TRAK1: variants seen among roughly 807,000 people sequenced by gnomAD.
TRAK1 encodes trafficking kinesin-binding protein 1.
TRAK1 carries 33 observed loss-of-function variants against 92.1 expected under a neutral mutation model. That is an observed-to-expected ratio of 0.36 (90% confidence interval 0.27 to 0.48). TRAK1 has a LOEUF of 0.48. TRAK1 is among the 20% of genes least tolerant of loss of function. The probability of loss-of-function intolerance (pLI) is 0.99; values close to 1 mark genes in which losing one functional copy is unlikely to be tolerated. For missense variants in TRAK1, 1,123 were observed against 1,257.9 expected (o/e 0.89, Z 1.62); for synonymous variants, 521 against 517.3 (o/e 1.01, Z -0.10).
intron 1 of TRAK1, among the ~76,000 whole-genome samples, chr3:42,123,052 G>A (rs1235110142): frequency 6.6e-6 from 1 of 152,042 alleles, no homozygotes; most frequent in Non-Finnish European, 1.5e-5. Context: ...ATGCTCTATG[G>A]CAAAGCTTTG....
At chr3:42,089,683 C>CCCG (rs1001932641), upstream of TRAK1, among the ~76,000 whole-genome samples, 2 of 150,798 alleles carry the variant, frequency 1.3e-5, no homozygotes, top group Admixed American at 6.6e-5. Flanking sequence ...TGACCCCCCC[C>CCCG]CAATACAGAG....
At chr3:42,016,772 T>TA (rs927658976) in intron 1 of TRAK1, among the ~76,000 whole-genome samples, 12 of 152,338 alleles carry the variant, frequency 7.9e-5, no homozygotes, top group African/African-American at 2.9e-4. Context: ...GTTCTTTTTT[T>TA]ACCCTTTGGG....
upstream of TRAK1, among the ~76,000 whole-genome samples, chr3:42,090,158 C>T (rs1704931208): frequency 6.6e-6 from 1 of 152,018 alleles, no homozygotes; most frequent in Non-Finnish European, 1.5e-5. Context: ...CAGTAGGGCA[C>T]CAAGGAGGGT....
intron 2 of TRAK1, among the ~76,000 whole-genome samples, chr3:42,167,960 GT>G: frequency 6.6e-6 from 1 of 152,224 alleles, no homozygotes. Flanking sequence ...GGACTATTTG[GT>G]CAAGTCTAAA....
intron 2 of TRAK1, among the ~76,000 whole-genome samples, chr3:42,164,120 A>G (rs1438528278): frequency 6.6e-6 from 1 of 152,194 alleles, no homozygotes; most frequent in Non-Finnish European, 1.5e-5. Flanking sequence ...TTTCTCTGTC[A>G]TGATCACACC....
chr3:42,221,884 A>G (rs1372757792), intron 15 of TRAK1: 1 of 152,148 alleles, frequency 6.6e-6, no homozygotes, highest in African/African-American at 2.4e-5. Context: ...GTTTATTACT[A>G]GTTGAAAATT....
chr3:42,069,400 G>A (rs1703819533), intron 1 of TRAK1, among the ~76,000 whole-genome samples: 1 of 152,014 alleles, frequency 6.6e-6, no homozygotes, highest in African/African-American at 2.4e-5. Flanking sequence ...GTCAACAGGG[G>A]AGGGCTGGGT....
At chr3:42,193,788 TATCTTAGGAAGTG>T (rs146523477) in intron 8 of TRAK1, 23 bp from the exon 9 acceptor site, 196,575 of 1,608,200 alleles carry the variant, frequency 0.12, 13,024 homozygotes, top group Non-Finnish European at 0.13. Flanking sequence ...TTTTACCAAG[TATCTTAGGAAGTG>T]ATCTATCTTT....
At chr3:42,124,439 T>G (rs1710298873) in intron 1 of TRAK1, among the ~76,000 whole-genome samples, 1 of 152,248 alleles carries the variant, frequency 6.6e-6, no homozygotes, top group Admixed American at 6.5e-5. Context: ...TGTGTTCTGC[T>G]TTGATGAGTA....
At chr3:42,047,905 C>T (rs941926586) in intron 1 of TRAK1, among the ~76,000 whole-genome samples, 26 of 149,502 alleles carry the variant, frequency 1.7e-4, no homozygotes, top group African/African-American at 5.9e-4. Flanking sequence ...AAAACACTCC[C>T]CCCCATAGTT....
At chr3:42,137,015 A>G (rs1164738588) in intron 2 of TRAK1, among the ~76,000 whole-genome samples, 2 of 152,318 alleles carry the variant, frequency 1.3e-5, no homozygotes, top group African/African-American at 2.4e-5. Flanking sequence ...TGCTGATTTT[A>G]GGTGATTTGA....
upstream of TRAK1, among the ~76,000 whole-genome samples, chr3:42,084,569 TG>T (rs543584596): frequency 6.6e-6 from 1 of 152,206 alleles, no homozygotes; most frequent in Non-Finnish European, 1.5e-5. Flanking sequence ...TGGGCCCCAC[TG>T]GGGGTGGGTT....
At chr3:42,168,273 A>T (rs760576231) in intron 2 of TRAK1, among the ~76,000 whole-genome samples, 49 of 152,236 alleles carry the variant, frequency 3.2e-4, no homozygotes, top group Non-Finnish European at 6.9e-4. Flanking sequence ...ATGTGATAAC[A>T]TCATTGTGGA....
At chr3:42,050,503 C>A (rs974210647) in intron 1 of TRAK1, among the ~76,000 whole-genome samples, 1 of 152,154 alleles carries the variant, frequency 6.6e-6, no homozygotes, top group Non-Finnish European at 1.5e-5. Context: ...TAGAGTTCAT[C>A]GCTTTTCCTT....
chr3:42,142,337 A>G (rs1267237687), intron 2 of TRAK1, among the ~76,000 whole-genome samples: 1 of 152,204 alleles, frequency 6.6e-6, no homozygotes, highest in African/African-American at 2.4e-5. Context: ...CACCTGGAAC[A>G]TGTTTGAAAA....
intron 2 of TRAK1, among the ~76,000 whole-genome samples, chr3:42,158,787 CAAAAAAAAAAAA>C (rs149521969): frequency 1.4e-5 from 1 of 69,548 alleles, no homozygotes; most frequent in African/African-American, 4.6e-5. Context: ...ACAAAAAATA[CAAAAAAAAAAAA>C]AAAAAAAAAA....
chr3:42,188,249 G>T lies in TRAK1; in HGVS notation c.581+104G>T, dbSNP rs74937074. On this transcript the variant is annotated intron_variant, in intron 5 of 15. Transcript: ENST00000327628. ...AGGGTCACCTTCAGCAGCAATGGAG[G>T]TCAGCTGCTCTCAGCCTTCTCTGGA... The T allele has an allele frequency of 1.5e-3, 1,568 of 1,030,966 alleles. 10 individuals carry two copies. In the African/African-American group the frequency reaches 0.021, roughly 14 times the overall value. The allele number at this position is 1,030,966 out of a possible 1,614,324, so 63.9% of individuals were successfully genotyped here.
chr3:42,157,107 G>T (rs565049590), intron 2 of TRAK1, among the ~76,000 whole-genome samples: 1 of 151,102 alleles, frequency 6.6e-6, no homozygotes, highest in Non-Finnish European at 1.5e-5. Flanking sequence ...AGCAGAGATC[G>T]CACCACTGCA....
chr3:42,199,162 T>C lies in TRAK1; in HGVS notation c.1114-15T>C. Reference sequence around the variant, plus strand: ...TTGGCGCTCACTTGACATTTGTCTTTCTGGCTTTTCCCAGGATTCCTTGGC... The same window carrying C: ...TTGGCGCTCACTTGACATTTGTCTTCCTGGCTTTTCCCAGGATTCCTTGGC... On this transcript the variant is annotated splice_polypyrimidine_tract_variant and intron_variant, in intron 10 of 15. Coordinates refer to ENST00000327628, the MANE Select transcript of TRAK1 (RefSeq NM_001042646.3). 3.1e-6 allele frequency: 5 copies of C among 1,613,178 alleles called. No homozygotes were observed. The highest frequency in any genetic ancestry group is 4.2e-6 in the Non-Finnish European group (5 of 1,180,004).
Sources: allele counts gnomAD v4.1 joint callset (sites outside exome capture counted in the v4.1 genomes callset), GRCh38; gene constraint gnomAD v4.1.1; transcripts MANE v1.5; gene names NCBI Gene and HGNC (gene_info 2026-07-23, HGNC 2026-07-21).